Variants in MARCHF1 observed in about 807,000 individuals in gnomAD.
MARCHF1 encodes E3 ubiquitin-protein ligase MARCHF1.
A neutral mutation model predicts 54.2 loss-of-function variants in MARCHF1; 40 were observed. The ratio of observed to expected loss-of-function variants is 0.74; its 90% CI spans 0.57 to 0.96. The LOEUF is 0.96. Among genes scored for constraint, MARCHF1 ranks in the 40% least tolerant of loss-of-function variants. The pLI is 0.00. For synonymous variants in MARCHF1, 236 were observed against 236.3 expected, an observed-to-expected ratio of 1.00 and a Z score of 0.01; for missense variants, 586 against 656.5, an observed-to-expected ratio of 0.89 and a Z score of 1.17.
At chr4:163,931,477 C>T (rs936462520) in intron 3 of MARCHF1, among the ~76,000 whole-genome samples, 2 of 151,958 alleles carry the variant, frequency 1.3e-5, no homozygotes, top group South Asian at 2.1e-4. Context: ...CCTCAGGAGG[C>T]GTGTTTGCCC....
chr4:163,539,433 G>C (rs1305939898), intron 9 of MARCHF1, among the ~76,000 whole-genome samples: 2 of 152,192 alleles, frequency 1.3e-5, no homozygotes, highest in African/African-American at 4.8e-5. Context: ...TTAACGGTGC[G>C]TGACACATAG....
At chr4:163,910,100 T>C (rs1211201547) in intron 3 of MARCHF1, among the ~76,000 whole-genome samples, 3 of 152,150 alleles carry the variant, frequency 2.0e-5, no homozygotes, top group East Asian at 3.8e-4. Context: ...ACATCTAACA[T>C]ATAAGAACAA....
intron 2 of MARCHF1, among the ~76,000 whole-genome samples, chr4:164,047,768 C>T (rs1041744628): frequency 2.2e-4 from 33 of 152,116 alleles, no homozygotes; most frequent in African/African-American, 7.0e-4. Context: ...ATGACTTCTT[C>T]CTTGAGCATG....
At chr4:164,327,634 T>G (rs1735318062) in intron 1 of MARCHF1, among the ~76,000 whole-genome samples, 1 of 152,146 alleles carries the variant, frequency 6.6e-6, no homozygotes, top group Admixed American at 6.6e-5. Flanking sequence ...AGAGTGACAC[T>G]GGAGGCTGAG....
chr4:163,798,709 A>C (rs1747992241), intron 4 of MARCHF1, among the ~76,000 whole-genome samples: 1 of 152,124 alleles, frequency 6.6e-6, no homozygotes, highest in Non-Finnish European at 1.5e-5. Context: ...AAATACAGTG[A>C]AATGGATGGA....
intron 5 of MARCHF1, among the ~76,000 whole-genome samples, chr4:163,662,003 A>G (rs2111102148): frequency 6.6e-6 from 1 of 152,220 alleles, no homozygotes; most frequent in East Asian, 1.9e-4. Context: ...CTCCTTTTTA[A>G]AAAACAATTC....
intron 4 of MARCHF1, among the ~76,000 whole-genome samples, chr4:163,744,476 G>A (rs561107754): frequency 9.2e-5 from 14 of 152,192 alleles, no homozygotes; most frequent in African/African-American, 2.4e-4. Context: ...TGAGTCAATC[G>A]GAATTTGCAG....
intron 1 of MARCHF1, among the ~76,000 whole-genome samples, chr4:164,317,904 T>C (rs576844863): frequency 2.8e-4 from 42 of 152,286 alleles, no homozygotes; most frequent in African/African-American, 7.9e-4. Context: ...AGGTCAACTG[T>C]GTTTCATTCC....
chr4:164,260,173 G>C (rs115377014), intron 1 of MARCHF1, among the ~76,000 whole-genome samples: 1,934 of 152,178 alleles, frequency 0.013, 43 homozygotes, highest in African/African-American at 0.043. Flanking sequence ...CAGCCTTCAA[G>C]CTTCAGTCTG....
intron 4 of MARCHF1, among the ~76,000 whole-genome samples, chr4:163,794,670 T>G (rs1006541419): frequency 6.6e-6 from 1 of 152,200 alleles, no homozygotes; most frequent in African/African-American, 2.4e-5. Flanking sequence ...TTACATCTTA[T>G]GTTAAAATGT....
chr4:163,666,345 T>C (rs1743533221), intron 5 of MARCHF1, among the ~76,000 whole-genome samples: 1 of 152,174 alleles, frequency 6.6e-6, no homozygotes, highest in African/African-American at 2.4e-5. Flanking sequence ...GAAGGAGTAT[T>C]TGAGCAGTAA....
chr4:164,181,337 C>T (rs1192831934), intron 1 of MARCHF1, among the ~76,000 whole-genome samples: 2 of 152,090 alleles, frequency 1.3e-5, no homozygotes, highest in Non-Finnish European at 2.9e-5. Flanking sequence ...ATCATATACA[C>T]AAGACACACA....
intron 7 of MARCHF1, among the ~76,000 whole-genome samples, chr4:163,610,713 A>G (rs2110922808): frequency 6.6e-6 from 1 of 152,240 alleles, no homozygotes; most frequent in Non-Finnish European, 1.5e-5. Flanking sequence ...TTACATTTAT[A>G]GGTAAATTAC....
chr4:164,340,405 T>TTTTTTATATATATA (rs1327005165), intron 1 of MARCHF1, among the ~76,000 whole-genome samples: 4 of 95,650 alleles, frequency 4.2e-5, no homozygotes, highest in Admixed American at 1.3e-4. Flanking sequence ...AGGCCTTGAT[T>TTTTTTATATATATA]TATATATAGA....
intron 2 of MARCHF1, among the ~76,000 whole-genome samples, chr4:164,056,741 G>A (rs1754498210): frequency 6.6e-6 from 1 of 152,298 alleles, no homozygotes; most frequent in Admixed American, 6.5e-5. Context: ...GTCTGTGCCT[G>A]CCATCTTGAA....
chr4:163,559,425 C>T (rs1045744896), intron 8 of MARCHF1, among the ~76,000 whole-genome samples: 1 of 152,064 alleles, frequency 6.6e-6, no homozygotes, highest in Non-Finnish European at 1.5e-5. Context: ...AGGTTCCTTT[C>T]GAACTAAGAA....
intron 1 of MARCHF1, among the ~76,000 whole-genome samples, chr4:164,367,306 C>T (rs963738339): frequency 2.6e-5 from 4 of 152,066 alleles, no homozygotes; most frequent in Non-Finnish European, 5.9e-5. Flanking sequence ...AATTGTTACT[C>T]TAAGCATCAG....
At chr4:164,006,241 T>C (rs372458119) in intron 2 of MARCHF1, among the ~76,000 whole-genome samples, 13 of 152,098 alleles carry the variant, frequency 8.5e-5, no homozygotes, top group Non-Finnish European at 7.4e-5. Flanking sequence ...ATTCAGAAAT[T>C]TTTCAGAGAA....
At chr4:164,178,582 A>C (rs1481367013) in intron 1 of MARCHF1, among the ~76,000 whole-genome samples, 2 of 152,210 alleles carry the variant, frequency 1.3e-5, no homozygotes, top group Non-Finnish European at 1.5e-5. Context: ...TTTCCATCAG[A>C]TCTAAGGAGC....
Sources: allele counts gnomAD v4.1 joint callset (sites outside exome capture counted in the v4.1 genomes callset), GRCh38; gene constraint gnomAD v4.1.1; transcripts MANE v1.5; gene names NCBI Gene and HGNC (gene_info 2026-07-23, HGNC 2026-07-21).